Variants in PTPRD observed in about 807,000 individuals in gnomAD.
The protein encoded by PTPRD is protein tyrosine phosphatase receptor type D.
PTPRD carries 34 observed loss-of-function variants against 214.5 expected under a neutral mutation model. The ratio of observed to expected loss-of-function variants is 0.16; its 90% CI spans 0.12 to 0.21. PTPRD has a LOEUF of 0.21. Among genes scored for constraint, PTPRD ranks in the 10% least tolerant of loss-of-function variants. The pLI, the probability that PTPRD is intolerant of heterozygous loss-of-function variation, is 1.00. For missense variants in PTPRD, 2,545 were observed against 2,398.7 expected (o/e 1.06, Z -1.27); for synonymous variants, 1,128 against 845.7 (o/e 1.33, Z -5.79).
chr9:9,941,833 A>G (rs899121224), intron 4 of PTPRD, among the ~76,000 whole-genome samples: 5 of 152,162 alleles, frequency 3.3e-5, no homozygotes, highest in African/African-American at 1.2e-4. Flanking sequence ...CATTCATTCC[A>G]AGGTTGCCAA....
chr9:8,419,898 G>C (rs2131518404), intron 35 of PTPRD, among the ~76,000 whole-genome samples: 1 of 152,128 alleles, frequency 6.6e-6, no homozygotes, highest in East Asian at 1.9e-4. Context: ...CTGAAGGATT[G>C]ATTTTTCTGT....
At chr9:9,775,247 T>C (rs1487831188) in intron 5 of PTPRD, among the ~76,000 whole-genome samples, 1 of 152,202 alleles carries the variant, frequency 6.6e-6, no homozygotes, top group Admixed American at 6.5e-5. Flanking sequence ...CTTGTTTTAT[T>C]GTACTGCTAA....
At chr9:8,985,570 G>C (rs1162870240) in intron 11 of PTPRD, among the ~76,000 whole-genome samples, 1 of 151,076 alleles carries the variant, frequency 6.6e-6, no homozygotes, top group African/African-American at 2.4e-5. Context: ...ATTTGCTCAA[G>C]ATTATACACG....
At chr9:8,959,773 T>C (rs941786135) in intron 11 of PTPRD, among the ~76,000 whole-genome samples, 1 of 152,066 alleles carries the variant, frequency 6.6e-6, no homozygotes, top group African/African-American at 2.4e-5. Context: ...TTTCATGATC[T>C]TGAAAACTTT....
At chr9:8,406,995 G>A (rs191144446) in intron 35 of PTPRD, among the ~76,000 whole-genome samples, 6 of 152,296 alleles carry the variant, frequency 3.9e-5, no homozygotes, top group Non-Finnish European at 8.8e-5. Flanking sequence ...AAGATGGCAT[G>A]CATTTACTTA....
Position 8,940,280 on chromosome 9 carries a change from C to CCTTTT in PTPRD, c.-104+78416_-104+78417insAAAAG, listed in dbSNP as rs763715400. Among the ~76,000 whole-genome samples the CCTTTT allele has an allele frequency of 2.2e-3, 195 of 89,012 alleles. 8 individuals are homozygous for CCTTTT. The highest frequency in any genetic ancestry group is 8.3e-3 in the African/African-American group (190 of 22,868). 58.4% of individuals were successfully genotyped at this position (89,012 alleles called of 152,430 possible). A position where few individuals can be genotyped will look rare whatever the true frequency, so the allele number is the denominator to read the frequency against. On this transcript the variant is annotated intron_variant, in intron 11 of 45. Transcript: ENST00000381196. ...TCACACATCTCTCTCTCTCTCTCTC[C>CCTTTT]TTTTTTTTTTTTTTTTTTTTGAGAT...
At position 8,480,498 on chromosome 9, in the gene PTPRD, A is replaced by G. The variant is rs183434238; in HGVS notation, c.3413+3621T>C. 4.3e-3 allele frequency among the ~76,000 whole-genome samples: 654 copies of G among 152,298 alleles called. 5 individuals carry two copies. Among genetic ancestry groups the G allele is most frequent in the African/African-American group, 0.015 (627 of 41,564 alleles). ...CAATTAACTATGCTGTATGAGAACA[A>G]TGAGAAAGGACACACTGTCGCTACT... is the stretch of plus-strand genomic sequence containing the variant. On this transcript the variant is annotated intron_variant, in intron 30 of 45. Transcript: ENST00000381196.
At chr9:10,400,600 T>C (rs1466591745) in intron 2 of PTPRD, among the ~76,000 whole-genome samples, 8 of 151,568 alleles carry the variant, frequency 5.3e-5, no homozygotes, top group African/African-American at 1.7e-4. Context: ...AAACATCAAA[T>C]GGAATATTGT....
chr9:8,458,498 C>G (rs1254546883), intron 33 of PTPRD, among the ~76,000 whole-genome samples: 1 of 152,074 alleles, frequency 6.6e-6, no homozygotes, highest in Non-Finnish European at 1.5e-5. Context: ...TCAACAATCC[C>G]TTGTTTTTTG....
Position 9,647,311 on chromosome 9 carries a change from A to G in PTPRD, c.-286-72530T>C, listed in dbSNP as rs560147628. Among the ~76,000 whole-genome samples the G allele has an allele frequency of 2.0e-5, 3 of 152,280 alleles. No individual in the cohort carries two copies. The South Asian group carries it at 6.2e-4, about 32-fold the overall frequency. ...TTATTTGATGACTGCTAATTGCAAA[A>G]TCTAAATAATTTTGTATCTGATTCT... On this transcript the variant is annotated intron_variant, in intron 7 of 45. Transcript: ENST00000381196.
intron 3 of PTPRD, among the ~76,000 whole-genome samples, chr9:10,094,180 C>T (rs918860028): frequency 2.6e-5 from 4 of 151,376 alleles, no homozygotes; most frequent in African/African-American, 9.7e-5. Flanking sequence ...TAATATTTTA[C>T]TCTGTCTATC....
At chr9:8,389,575 C>T (rs1311998669) in intron 36 of PTPRD, among the ~76,000 whole-genome samples, 168 bp from the exon 37 acceptor site, 1 of 152,034 alleles carries the variant, frequency 6.6e-6, no homozygotes, top group Middle Eastern at 3.2e-3. Context: ...CCTATTAGAA[C>T]CGTCATGTTA....
chr9:10,304,328 A>G (rs1425521966), intron 3 of PTPRD, among the ~76,000 whole-genome samples: 1 of 152,184 alleles, frequency 6.6e-6, no homozygotes, highest in African/African-American at 2.4e-5. Context: ...GAAAAACCAG[A>G]AGCATTTCCT....
At position 8,891,411 on chromosome 9, in the gene PTPRD, C is replaced by T. The variant is rs1469398585; in HGVS notation, c.-104+127286G>A. Among the ~76,000 whole-genome samples, 4 of 151,310 alleles carry T rather than the reference C, an allele frequency of 2.6e-5. 1 individual carries two copies. Among genetic ancestry groups the T allele is most frequent in the African/African-American group, 2.4e-5 (1 of 41,136 alleles). On this transcript the variant is annotated intron_variant, in intron 11 of 45. Coordinates refer to ENST00000381196, the MANE Select transcript of PTPRD (RefSeq NM_002839.4). Reference sequence around the variant, plus strand: ...CCTCCCAAAGTGCTGGGATTACAGGCGTGAGACACCGTGCCTGGTCAATCT... The same window carrying T: ...CCTCCCAAAGTGCTGGGATTACAGGTGTGAGACACCGTGCCTGGTCAATCT...
chr9:8,318,247 C>T (rs1389837856), intron 45 of PTPRD, among the ~76,000 whole-genome samples: 1 of 151,948 alleles, frequency 6.6e-6, no homozygotes, highest in Admixed American at 6.6e-5. Context: ...CCATTACCAC[C>T]AATTGAACAC....
intron 2 of PTPRD, among the ~76,000 whole-genome samples, chr9:10,460,793 G>C (rs995033706): frequency 2.6e-5 from 4 of 152,086 alleles, no homozygotes; most frequent in African/African-American, 9.7e-5. Flanking sequence ...ACTCCTAGTA[G>C]AGAACATAGA....
intron 2 of PTPRD, among the ~76,000 whole-genome samples, chr9:10,358,581 A>T (rs1179580347): frequency 6.6e-6 from 1 of 151,966 alleles, no homozygotes; most frequent in Non-Finnish European, 1.5e-5. Context: ...ATCACATTCA[A>T]AATAGCAAAC....
At chr9:8,366,155 T>C (rs1008005176) in intron 39 of PTPRD, among the ~76,000 whole-genome samples, 1 of 152,148 alleles carries the variant, frequency 6.6e-6, no homozygotes, top group African/African-American at 2.4e-5. Flanking sequence ...ATTCTCAAAA[T>C]AATCATAATT....
At chr9:9,635,345 A>G (rs16929944) in intron 7 of PTPRD, among the ~76,000 whole-genome samples, 2,729 of 152,284 alleles carry the variant, frequency 0.018, 76 homozygotes, top group African/African-American at 0.063. Flanking sequence ...TGTCCAACTT[A>G]GAAGCTTTTT....
Sources: allele counts gnomAD v4.1 joint callset (sites outside exome capture counted in the v4.1 genomes callset), GRCh38; gene constraint gnomAD v4.1.1; transcripts MANE v1.5; gene names NCBI Gene and HGNC (gene_info 2026-07-23, HGNC 2026-07-21).